ABCA12: variants seen among roughly 807,000 people sequenced by gnomAD.
The protein encoded by ABCA12 is ATP binding cassette subfamily A member 12.
In ABCA12, 156 loss-of-function variants were observed where a neutral mutation model predicts 293.5. That is an observed-to-expected ratio of 0.53 (90% confidence interval 0.47 to 0.61). The LOEUF is 0.61. Ranked by LOEUF, ABCA12 falls within the 20% of genes least tolerant of loss-of-function variation. ABCA12 has a pLI of 0.00. For missense variants in ABCA12, 2,797 were observed against 3,090.2 expected, an observed-to-expected ratio of 0.91 and a Z score of 2.25; for synonymous variants, 1,063 against 1,108.0, an observed-to-expected ratio of 0.96 and a Z score of 0.81.
chr2:215,091,256 G>A (rs1702136435), intron 2 of ABCA12, among the ~76,000 whole-genome samples: 2 of 151,906 alleles, frequency 1.3e-5, no homozygotes, highest in Non-Finnish European at 2.9e-5. Context: ...GCTGAGCCAG[G>A]TCCCAATTCT....
rs949977440 is a variant in ABCA12 at position 215,012,101 on chromosome 2, T to C, written c.1991A>G (p.Glu664Gly). The C allele has an allele frequency of 1.2e-6, 2 of 1,613,904 alleles. No homozygotes were observed. Among genetic ancestry groups the C allele is most frequent in the African/African-American group, 2.7e-5 (2 of 74,934 alleles). Residue 664 changes from glutamate to glycine, a missense_variant, in exon 16 of 53, where the codon GAA becomes GGA. Glu to Gly is a moderately conservative substitution (Grantham distance 98). Coordinates refer to ENST00000272895, the MANE Select transcript of ABCA12 (RefSeq NM_173076.3). The part of the protein sequence containing the change: ...FFPRKDQKPV[E>G]KMMELFIRLK... ...TCTTATGAAGAGCTCCATCATCTTT[T>C]CTACTGGCTTTTGATCTTTCCTCGG...
At chr2:214,981,403 C>T (rs1012154747) in intron 30 of ABCA12, among the ~76,000 whole-genome samples, 2 of 152,174 alleles carry the variant, frequency 1.3e-5, no homozygotes, top group African/African-American at 4.8e-5. Flanking sequence ...CGTTGCTTCA[C>T]ATCCTGTCAG....
chr2:215,003,140 C>T (rs1057329127), intron 20 of ABCA12, among the ~76,000 whole-genome samples: 6 of 152,046 alleles, frequency 3.9e-5, no homozygotes, highest in African/African-American at 7.2e-5. Flanking sequence ...CATTTACGTC[C>T]CAGCAGTGCC....
intron 21 of ABCA12, among the ~76,000 whole-genome samples, 171 bp downstream of exon 21, chr2:215,001,387 A>G (rs1289130167): frequency 1.3e-5 from 2 of 152,212 alleles, no homozygotes; most frequent in African/African-American, 4.8e-5. Flanking sequence ...AATTAGACAT[A>G]CTTAGAGATT....
rs781473736 is a variant in ABCA12 at position 215,015,673 on chromosome 2, G to A, written c.1783-10C>T. ...ACACCTGAGAAATAATCTGCAAATG[G>A]AGGAAGAAAAATATTTCAACTGTGA... On this transcript the variant is annotated splice_polypyrimidine_tract_variant and intron_variant, in intron 14 of 52. Transcript: ENST00000272895. 6.2e-7 allele frequency: 1 copy of A among 1,612,834 alleles called. No homozygotes were observed. Among genetic ancestry groups the A allele is most frequent in the Non-Finnish European group, 8.5e-7 (1 of 1,179,030 alleles).
chr2:215,082,132 C>T (rs1448266539), intron 2 of ABCA12, among the ~76,000 whole-genome samples: 2 of 149,770 alleles, frequency 1.3e-5, no homozygotes, highest in Non-Finnish European at 3.0e-5. Context: ...GCAACCTCCA[C>T]CTCCTGGGTT....
At chr2:215,000,679 A>C in intron 22 of ABCA12, 26 bp downstream of exon 22, 1 of 1,613,042 alleles carries the variant, frequency 6.2e-7, no homozygotes, top group Non-Finnish European at 8.5e-7. Flanking sequence ...TTGATCATTA[A>C]AAAGGCTGGA....
chr2:215,007,117 C>T (rs1407446521), intron 19 of ABCA12, among the ~76,000 whole-genome samples: 3 of 152,096 alleles, frequency 2.0e-5, no homozygotes, highest in African/African-American at 7.2e-5. Flanking sequence ...TCAGGTGATC[C>T]GCCCTCCTCA....
chr2:214,967,003 A>C (rs200232974), intron 38 of ABCA12, 50 bp from the exon 39 acceptor site: 1 of 1,422,570 alleles, frequency 7.0e-7, no homozygotes, highest in East Asian at 2.3e-5. Flanking sequence ...CAAATAAATT[A>C]GGCTGTCTTA....
rs868269096 is a variant in ABCA12 at position 215,130,153 on chromosome 2, G to A, written c.69+7987C>T. Among the ~76,000 whole-genome samples the A allele has an allele frequency of 4.6e-5, 7 of 151,950 alleles. 1 individual carries two copies. The highest frequency in any genetic ancestry group is 1.4e-4 in the African/African-American group (6 of 41,494). On this transcript the variant is annotated intron_variant, in intron 1 of 52. Transcript: ENST00000272895. ...CTTGTAGTATAATTTGAAGTCAGGC[G>A]ATGTGATGTCTCCAGATTTGTCCTT...
Position 214,932,577 on chromosome 2 carries a change from G to T in ABCA12, c.*57C>A. ...ATCTTGCGGAAGTGTATCTTCTGTG[G>T]CTTTTCTTCAAAATGAAGCCATTGG... On this transcript the variant is annotated 3_prime_UTR_variant, in exon 53 of 53. Coordinates refer to ENST00000272895, the MANE Select transcript of ABCA12 (RefSeq NM_173076.3). The T allele has an allele frequency of 1.6e-6, 2 of 1,279,040 alleles. No individual in the cohort carries two copies. The highest frequency in any genetic ancestry group is 2.3e-6 in the Non-Finnish European group (2 of 878,414). 79.2% of individuals were successfully genotyped at this position (1,279,040 alleles called of 1,614,324 possible).
chr2:215,072,205 A>G (rs1185291249), intron 2 of ABCA12, among the ~76,000 whole-genome samples: 2 of 152,322 alleles, frequency 1.3e-5, no homozygotes, highest in East Asian at 3.9e-4. Flanking sequence ...TGGGTGTCCT[A>G]CAATGTCGGG....
chr2:215,005,670 T>A (rs991651496), intron 19 of ABCA12, among the ~76,000 whole-genome samples: 1 of 152,204 alleles, frequency 6.6e-6, no homozygotes, highest in African/African-American at 2.4e-5. Flanking sequence ...AGACAATCCA[T>A]TAAACCCTAT....
chr2:215,011,504 T>C lies in ABCA12; in HGVS notation c.2267A>G (p.Asp756Gly), dbSNP rs372688749. The change falls in exon 17 of 53, where the codon GAT becomes GGT. Residue 756 changes from aspartate to glycine, a missense_variant. Asp to Gly is a moderately conservative substitution (Grantham distance 94). Transcript: ENST00000272895. ...SQRPKGNHTK[D>G]FLTYKLTKEQ... ...TTTAGTTAATTTATAAGTCAAAAAA[T>C]CCTTGGTGTGGTTGCCTTTTGGCCT... 1.9e-6 allele frequency: 3 copies of C among 1,613,948 alleles called. No homozygotes were observed. The highest frequency in any genetic ancestry group is 2.5e-6 in the Non-Finnish European group (3 of 1,179,920).
At chr2:214,982,622 A>C (rs1277831169) in intron 29 of ABCA12, among the ~76,000 whole-genome samples, 1 of 152,218 alleles carries the variant, frequency 6.6e-6, no homozygotes, top group Admixed American at 6.5e-5. Context: ...ACAAAGTACA[A>C]AATTAATACT....
chr2:215,073,722 C>T (rs1289763437), intron 2 of ABCA12, among the ~76,000 whole-genome samples: 1 of 152,192 alleles, frequency 6.6e-6, no homozygotes, highest in Non-Finnish European at 1.5e-5. Context: ...AAGTGCTGTG[C>T]TCATAGTTAA....
At chr2:215,053,259 T>C (rs1034975981) in intron 4 of ABCA12, among the ~76,000 whole-genome samples, 45 of 152,130 alleles carry the variant, frequency 3.0e-4, no homozygotes, top group African/African-American at 1.0e-3. Context: ...TGGATGTTCA[T>C]TAAGCCAGTA....
At chr2:214,948,775 A>C (rs754144299) in intron 46 of ABCA12, 38 bp from the exon 47 acceptor site, 12 of 1,613,394 alleles carry the variant, frequency 7.4e-6, no homozygotes, top group Non-Finnish European at 1.0e-5. Flanking sequence ...TGAATTTCAA[A>C]AGATTTATCC....
intron 3 of ABCA12, among the ~76,000 whole-genome samples, chr2:215,062,327 A>G (rs1701544993): frequency 6.6e-6 from 1 of 152,032 alleles, no homozygotes; most frequent in Admixed American, 6.6e-5. Context: ...TGCACTGATT[A>G]TACAAGAGGG....
Sources: allele counts gnomAD v4.1 joint callset (sites outside exome capture counted in the v4.1 genomes callset), GRCh38; gene constraint gnomAD v4.1.1; transcripts MANE v1.5; gene names NCBI Gene and HGNC (gene_info 2026-07-23, HGNC 2026-07-21).